The following HMCN2 variants were observed in gnomAD, a reference collection of about 807,000 sequenced individuals.
The protein encoded by HMCN2 is hemicentin-2.
HMCN2 carries 325 observed loss-of-function variants against 377.5 expected under a neutral mutation model. The observed-to-expected ratio is 0.86, with a 90% CI of 0.79 to 0.94. The LOEUF is 0.94. Among genes scored for constraint, HMCN2 ranks in the 40% least tolerant of loss-of-function variants. HMCN2 has a pLI of 0.00. For synonymous variants in HMCN2, 2,007 were observed against 2,046.8 expected (o/e 0.98, Z 0.53); for missense variants, 4,543 against 4,725.3 (o/e 0.96, Z 1.13).
chr9:130,333,437 C>G (rs893889219), intron 22 of HMCN2, among the ~76,000 whole-genome samples: 10 of 152,196 alleles, frequency 6.6e-5, no homozygotes, highest in African/African-American at 2.4e-5. Flanking sequence ...GCCCCCTGGG[C>G]CCCTCTTGCT....
At chr9:130,295,426 A>G (rs1447237251) in intron 5 of HMCN2, among the ~76,000 whole-genome samples, 3 of 151,946 alleles carry the variant, frequency 2.0e-5, no homozygotes, top group Admixed American at 1.3e-4. Flanking sequence ...ACCTGACCCC[A>G]TGGTGTTCTG....
At chr9:130,415,917 C>T (rs1231606774) in intron 85 of HMCN2, among the ~76,000 whole-genome samples, 2 of 152,090 alleles carry the variant, frequency 1.3e-5, no homozygotes, top group South Asian at 2.1e-4. Context: ...TGATATTTCT[C>T]AGGGCATACT....
intron 8 of HMCN2, among the ~76,000 whole-genome samples, chr9:130,300,101 A>G (rs554774535): frequency 6.6e-6 from 1 of 151,356 alleles, no homozygotes; most frequent in South Asian, 2.1e-4. Context: ...CCATTTGCTT[A>G]CCCATCCATC....
At chr9:130,392,797 C>T (rs111737104) in intron 66 of HMCN2, among the ~76,000 whole-genome samples, 8 of 152,022 alleles carry the variant, frequency 5.3e-5, no homozygotes, top group Non-Finnish European at 1.2e-4. Flanking sequence ...GAGATCAAGA[C>T]CATCCTGGCT....
At chr9:130,317,507 T>TATC (rs1837627187) in intron 15 of HMCN2, among the ~76,000 whole-genome samples, 1 of 132,960 alleles carries the variant, frequency 7.5e-6, no homozygotes, top group African/African-American at 2.9e-5. Context: ...CTCTCTCTCT[T>TATC]TTTTGTAGAC....
Position 130,433,774 on chromosome 9 carries a change from G to T in HMCN2, c.*81G>T. 2 of 1,149,984 alleles carry T rather than the reference G, an allele frequency of 1.7e-6. No individual in the cohort carries two copies. The highest frequency in any genetic ancestry group is 4.1e-4 in the Middle Eastern group (2 of 4,910). 71.2% of individuals were successfully genotyped at this position (1,149,984 alleles called of 1,614,324 possible). On this transcript the variant is annotated 3_prime_UTR_variant, in exon 98 of 98. Transcript: ENST00000683500. ...AGAAGCTTGGTCCACGCCACCTGCT[G>T]TGGCAAGCGGAGCGTCATCGTCTCC... is the stretch of plus-strand genomic sequence containing the variant.
Position 130,373,096 on chromosome 9 carries a change from G to A in HMCN2, c.7410G>A (p.Gln2470=), listed in dbSNP as rs1165032651. The part of the protein sequence containing the change: ...LEEVIKVLDG[Q]TAHLMCNVTG... ...AGGTGATCAAGGTCCTTGATGGACA[G>A]ACTGCCCATCTTATGTGCAACGTCA... The change falls in exon 48 of 98, where the codon CAG becomes CAA. Residue 2470 remains glutamine, a synonymous_variant. Coordinates refer to ENST00000683500, the MANE Select transcript of HMCN2 (RefSeq NM_001291815.2). 1 of 981,366 alleles carries A rather than the reference G, an allele frequency of 1.0e-6. No individual in the cohort carries two copies. The highest frequency in any genetic ancestry group is 1.8e-5 in the African/African-American group (1 of 56,122). 60.8% of individuals were successfully genotyped at this position (981,366 alleles called of 1,614,324 possible). A position where few individuals can be genotyped will look rare whatever the true frequency, so the allele number is the denominator to read the frequency against.
intron 22 of HMCN2, among the ~76,000 whole-genome samples, chr9:130,330,085 A>G (rs1284370713): frequency 6.9e-6 from 1 of 144,286 alleles, no homozygotes; most frequent in Non-Finnish European, 1.5e-5. Context: ...TTCCTTCTCC[A>G]AGGATGTCCC....
At chr9:130,325,096 C>CTTCTTTT (rs1554943189) in intron 19 of HMCN2, among the ~76,000 whole-genome samples, 25 of 128,060 alleles carry the variant, frequency 2.0e-4, no homozygotes, top group African/African-American at 6.7e-4. Context: ...TCTTCTTCTT[C>CTTCTTTT]TTTTTTTTTT....
chr9:130,292,622 T>C (rs538795240), intron 4 of HMCN2, among the ~76,000 whole-genome samples: 4 of 152,264 alleles, frequency 2.6e-5, no homozygotes, highest in Non-Finnish European at 5.9e-5. Context: ...AGTATCATTA[T>C]GTGCACATGG....
At chr9:130,380,145 G>T (rs1381281315) in intron 54 of HMCN2, among the ~76,000 whole-genome samples, 1 of 152,236 alleles carries the variant, frequency 6.6e-6, no homozygotes, top group Non-Finnish European at 1.5e-5. Flanking sequence ...CTCCCAACAT[G>T]CTGGGATTAT....
At position 130,265,955 on chromosome 9, in the gene HMCN2, C is replaced by A; in HGVS notation, c.77C>A (p.Pro26His). 1 of 454,780 alleles carries A rather than the reference C, an allele frequency of 2.2e-6. No individual in the cohort carries two copies. The allele number at this position is 454,780 out of a possible 1,614,324, so 28.2% of individuals were successfully genotyped here. ...AAVAVAVAGAPGTVMPPTTGD... is the reference protein window; with the variant it reads ...AAVAVAVAGAHGTVMPPTTGD... ...GTGGCAGTGGCAGTGGCCGGGGCGCCCGGGACGGTAATGCCCCCCACCACG... is the reference window on the plus strand; with the variant it reads ...GTGGCAGTGGCAGTGGCCGGGGCGCACGGGACGGTAATGCCCCCCACCACG... The change falls in exon 1 of 98, where the codon CCC (proline) becomes CAC (histidine). Residue 26 changes from proline (P) to histidine (H), a missense_variant. Pro to His is a moderately conservative substitution (Grantham distance 77). Around this residue, in one of 5 missense-constraint regions of HMCN2, gnomAD observed 547 missense variants for 189.9 expected, o/e 2.88. Coordinates refer to ENST00000683500, the MANE Select transcript of HMCN2 (RefSeq NM_001291815.2).
intron 84 of HMCN2, 48 bp downstream of exon 84, chr9:130,408,981 A>G (rs1013992520): frequency 1.6e-6 from 2 of 1,223,130 alleles, no homozygotes; most frequent in African/African-American, 1.5e-5. Context: ...GGACAACTCT[A>G]CGCTTTTTCA....
intron 29 of HMCN2, 124 bp downstream of exon 29, chr9:130,349,787 G>A (rs1839601364): frequency 2.0e-6 from 2 of 987,322 alleles, no homozygotes; most frequent in Non-Finnish European, 2.7e-6. Flanking sequence ...GCCACCCAGG[G>A]CCCAGACTGA....
rs1027115689 is a variant in HMCN2, at chr9:130,433,435, G to A, written c.14982G>A (p.Val4994=). ...QYRLLPLPLG[V]RAHHDVARLT... ...GGCTGCTGCCGCTGCCCCTGGGCGT[G>A]CGCGCCCACCACGACGTGGCCCGCC... The change falls in exon 98 of 98, where the codon GTG becomes GTA. Residue 4994 remains valine, a synonymous_variant. Transcript: ENST00000683500. 51 of 1,495,630 alleles carry A rather than the reference G, an allele frequency of 3.4e-5. No individual in the cohort carries two copies. Among genetic ancestry groups the A allele is most frequent in the Non-Finnish European group, 4.2e-5 (47 of 1,130,854 alleles). 92.6% of individuals were successfully genotyped at this position (1,495,630 alleles called of 1,614,324 possible). A position where few individuals can be genotyped will look rare whatever the true frequency, so the allele number is the denominator to read the frequency against.
At chr9:130,382,492 A>G (rs932831880) in intron 55 of HMCN2, among the ~76,000 whole-genome samples, 187 bp from the exon 56 acceptor site, 1 of 152,200 alleles carries the variant, frequency 6.6e-6, no homozygotes, top group Non-Finnish European at 1.5e-5. Flanking sequence ...GCTGTGTGAC[A>G]TTGAGCAAAT....
At chr9:130,341,588 C>T (rs1426079379) in intron 24 of HMCN2, among the ~76,000 whole-genome samples, 1 of 152,200 alleles carries the variant, frequency 6.6e-6, no homozygotes, top group Non-Finnish European at 1.5e-5. Context: ...CCAGGTGGTC[C>T]TCAGAGCTCC....
At chr9:130,289,329 C>T (rs372079813) in intron 4 of HMCN2, among the ~76,000 whole-genome samples, 14 of 151,028 alleles carry the variant, frequency 9.3e-5, no homozygotes, top group African/African-American at 2.4e-4. Context: ...ACAGTAAGGG[C>T]GGGCGGAAGA....
At chr9:130,329,316 G>T (rs1243274251) in intron 22 of HMCN2, among the ~76,000 whole-genome samples, 2 of 152,192 alleles carry the variant, frequency 1.3e-5, no homozygotes, top group Non-Finnish European at 2.9e-5. Flanking sequence ...CCAGATGAGT[G>T]CCTGCTTCCT....
Sources: gnomAD v4.1 joint callset for allele counts (sites outside exome capture counted in the v4.1 genomes callset) on GRCh38, gnomAD v4.1.1 for gene constraint, gnomAD v4.1.1 regional missense constraint, MANE v1.5 for transcripts, NCBI Gene and HGNC (gene_info 2026-07-23, HGNC 2026-07-21) for gene names.